Variants in USP48 observed in about 807,000 individuals in gnomAD.
The protein encoded by USP48 is ubiquitin carboxyl-terminal hydrolase 48.
A neutral mutation model predicts 150.7 loss-of-function variants in USP48; 43 were observed. The observed-to-expected ratio is 0.29, with a 90% confidence interval of 0.22 to 0.37. The LOEUF (loss-of-function observed/expected upper bound fraction) is 0.37, where lower values mean the gene tolerates loss of function less well. Among genes scored for constraint, USP48 ranks in the 10% least tolerant of loss-of-function variants. USP48 has a pLI of 1.00. For synonymous variants in USP48, 396 were observed against 425.9 expected (o/e 0.93, Z 0.86); for missense variants, 813 against 1,249.6 (o/e 0.65, Z 5.27).
chr1:21,719,632 T>A (rs1268524335), intron 14 of USP48, among the ~76,000 whole-genome samples: 2 of 152,134 alleles, frequency 1.3e-5, no homozygotes, highest in Non-Finnish European at 2.9e-5. Flanking sequence ...GGCTCACGCC[T>A]GTAATCCCAA....
intron 1 of USP48, among the ~76,000 whole-genome samples, chr1:21,777,972 CAA>C (rs34374350): frequency 0.61 from 72,504 of 119,040 alleles, 22,257 homozygotes; most frequent in Non-Finnish European, 0.68. Flanking sequence ...CTAAATATAC[CAA>C]AAAAAAAAAA....
chr1:21,756,015 A>C (rs983792731), intron 3 of USP48, among the ~76,000 whole-genome samples: 2 of 152,048 alleles, frequency 1.3e-5, no homozygotes, highest in East Asian at 3.9e-4. Flanking sequence ...AAAATACAAA[A>C]TTAGCCGGGC....
chr1:21,753,159 G>T, intron 3 of USP48, 40 bp from the exon 4 acceptor site: 1 of 1,568,200 alleles, frequency 6.4e-7, no homozygotes. Flanking sequence ...TTTTTAAGGT[G>T]CTACTTTTCT....
intron 21 of USP48, 82 bp downstream of exon 21, chr1:21,703,430 C>T (rs1296077888): frequency 9.5e-7 from 1 of 1,050,900 alleles, no homozygotes; most frequent in Admixed American, 1.9e-5. Flanking sequence ...CCTAGGCAGA[C>T]CCTCAGTGCA....
At chr1:21,679,954 A>G (rs1459208862) in intron 26 of USP48, among the ~76,000 whole-genome samples, 2 of 152,176 alleles carry the variant, frequency 1.3e-5, no homozygotes, top group African/African-American at 2.4e-5. Flanking sequence ...TCAACCTCCA[A>G]AAGTGCTGGG....
intron 25 of USP48, chr1:21,685,754 C>T (rs1049848215): frequency 2.6e-5 from 4 of 152,162 alleles, no homozygotes; most frequent in Non-Finnish European, 5.9e-5. Context: ...TTGTATCCTG[C>T]AATTTTACTG....
chr1:21,761,844 C>A (rs6689274), intron 1 of USP48, among the ~76,000 whole-genome samples: 1 of 152,102 alleles, frequency 6.6e-6, no homozygotes, highest in African/African-American at 2.4e-5. Context: ...TATATCAAAG[C>A]TAGGAGGGAA....
intron 9 of USP48, among the ~76,000 whole-genome samples, chr1:21,731,057 C>T (rs1413404480): frequency 1.3e-5 from 2 of 151,984 alleles, no homozygotes; most frequent in African/African-American, 4.8e-5. Flanking sequence ...CTGCACCTGG[C>T]TGAAATATTT....
rs560731621 is a variant in USP48, at chr1:21,767,176, A to G, written c.135-9393T>C. ...GTGATCTTCCCACCTCAGCCTTCCAAATAGCTGGGACCACAGGCATACGCC... is the reference window on the plus strand; with the variant it reads ...GTGATCTTCCCACCTCAGCCTTCCAGATAGCTGGGACCACAGGCATACGCC... On this transcript the variant is annotated intron_variant, in intron 1 of 26. Transcript: ENST00000308271. Among the ~76,000 whole-genome samples the G allele has an allele frequency of 1.5e-3, 233 of 152,210 alleles. 2 individuals carry two copies. The highest frequency in any genetic ancestry group is 2.7e-3 in the Non-Finnish European group (182 of 68,002).
At chr1:21,683,409 G>C (rs1338167399) in intron 25 of USP48, among the ~76,000 whole-genome samples, 2 of 151,996 alleles carry the variant, frequency 1.3e-5, no homozygotes, top group African/African-American at 4.8e-5. Context: ...TTTTGAGACA[G>C]GGTCTCAATC....
intron 7 of USP48, among the ~76,000 whole-genome samples, chr1:21,747,576 CT>C (rs112316099): frequency 0.079 from 11,638 of 147,912 alleles, 498 homozygotes; most frequent in Middle Eastern, 0.11. Context: ...GTTTTTCTTT[CT>C]TTTTTTTTTT....
At chr1:21,779,796 A>C (rs1000877565) in intron 1 of USP48, among the ~76,000 whole-genome samples, 1 of 152,198 alleles carries the variant, frequency 6.6e-6, no homozygotes, top group African/African-American at 2.4e-5. Flanking sequence ...AAAGGAAAAG[A>C]GGCAACGAGC....
At chr1:21,738,575 C>T (rs2097774041) in intron 8 of USP48, among the ~76,000 whole-genome samples, 1 of 151,570 alleles carries the variant, frequency 6.6e-6, no homozygotes, top group Admixed American at 6.6e-5. Flanking sequence ...CCAAGCTGGT[C>T]TCAAACTGCA....
chr1:21,690,200 G>A (rs199847259), intron 23 of USP48, 101 bp from the exon 24 acceptor site: 5 of 1,254,320 alleles, frequency 4.0e-6, no homozygotes, highest in East Asian at 2.6e-5. Context: ...AAAAAAAAAA[G>A]GCTTCAGAGT....
chr1:21,723,034 G>A (rs2097725936), intron 12 of USP48, among the ~76,000 whole-genome samples: 1 of 152,160 alleles, frequency 6.6e-6, no homozygotes, highest in Admixed American at 6.5e-5. Context: ...CTGAAAATTG[G>A]AGGGAGGATT....
At chr1:21,687,075 T>C (rs1279102283) in intron 25 of USP48, 116 bp downstream of exon 25, 2 of 923,902 alleles carry the variant, frequency 2.2e-6, no homozygotes, top group South Asian at 1.5e-5. Context: ...TAACAATATG[T>C]GGAAGCTTTT....
chr1:21,735,142 T>C (rs577885029), intron 9 of USP48, among the ~76,000 whole-genome samples: 44 of 152,228 alleles, frequency 2.9e-4, no homozygotes, highest in Non-Finnish European at 5.6e-4. Flanking sequence ...AATCTACTAT[T>C]CATCATCACT....
At chr1:21,700,496 G>C (rs2097652303) in intron 22 of USP48, among the ~76,000 whole-genome samples, 1 of 152,168 alleles carries the variant, frequency 6.6e-6, no homozygotes, top group South Asian at 2.1e-4. Flanking sequence ...TCAACATGCA[G>C]ACAGGCCAAC....
At chr1:21,738,777 A>C (rs2097774478) in intron 8 of USP48, among the ~76,000 whole-genome samples, 1 of 152,010 alleles carries the variant, frequency 6.6e-6, no homozygotes, top group African/African-American at 2.4e-5. Context: ...ATAGCCAATC[A>C]CTCATTAGAC....
Sources: gnomAD v4.1 joint callset for allele counts (sites outside exome capture counted in the v4.1 genomes callset) on GRCh38, gnomAD v4.1.1 for gene constraint, MANE v1.5 for transcripts, NCBI Gene and HGNC (gene_info 2026-07-23, HGNC 2026-07-21) for gene names.